The following AUTS2 variants were observed in gnomAD, a reference collection of about 807,000 sequenced individuals.
The protein encoded by AUTS2 is autism susceptibility gene 2 protein.
A neutral mutation model predicts 112.4 loss-of-function variants in AUTS2; 17 were observed. The ratio of observed to expected loss-of-function variants is 0.15; its 90% CI spans 0.10 to 0.23. The LOEUF is 0.23. Ranked by LOEUF, AUTS2 falls within the 10% of genes least tolerant of loss-of-function variation. The pLI is 1.00. For missense variants in AUTS2, 1,510 were observed against 1,701.6 expected (o/e 0.89, Z 1.98); for synonymous variants, 751 against 702.7 (o/e 1.07, Z -1.09).
At chr7:69,847,900 C>A (rs781053316) in intron 1 of AUTS2, among the ~76,000 whole-genome samples, 6 of 152,196 alleles carry the variant, frequency 3.9e-5, no homozygotes, top group Non-Finnish European at 8.8e-5. Context: ...ACTAGGCGAT[C>A]CTCCTTTTAT....
At chr7:70,697,913 C>T (rs1387770917) in intron 5 of AUTS2, among the ~76,000 whole-genome samples, 1 of 152,140 alleles carries the variant, frequency 6.6e-6, no homozygotes, top group Non-Finnish European at 1.5e-5. Flanking sequence ...GCTTATTTCA[C>T]CTTCCTCAAG....
At chr7:70,388,842 T>C (rs999917868) in intron 4 of AUTS2, among the ~76,000 whole-genome samples, 2 of 152,200 alleles carry the variant, frequency 1.3e-5, no homozygotes, top group Non-Finnish European at 2.9e-5. Context: ...AACTATCATG[T>C]CAAAGAAAAT....
intron 2 of AUTS2, among the ~76,000 whole-genome samples, chr7:70,015,413 T>C (rs1392941535): frequency 6.6e-6 from 1 of 152,212 alleles, no homozygotes; most frequent in Non-Finnish European, 1.5e-5. Context: ...TTGCACAAAA[T>C]CTGGCAGCCA....
chr7:70,259,201 G>T (rs548699694), intron 4 of AUTS2, among the ~76,000 whole-genome samples: 1 of 152,006 alleles, frequency 6.6e-6, no homozygotes, highest in Non-Finnish European at 1.5e-5. Context: ...CTGTCACAGA[G>T]CCTTCCTTCT....
chr7:70,193,990 T>G (rs1483712073), intron 4 of AUTS2, among the ~76,000 whole-genome samples: 3 of 152,238 alleles, frequency 2.0e-5, no homozygotes, highest in Non-Finnish European at 4.4e-5. Context: ...TTCAAAGCAC[T>G]TTCTTCTCTT....
chr7:70,603,643 T>G (rs950917156), intron 5 of AUTS2, among the ~76,000 whole-genome samples: 1 of 152,104 alleles, frequency 6.6e-6, no homozygotes, highest in Non-Finnish European at 1.5e-5. Flanking sequence ...TATCTTCCAG[T>G]AACAAACCAT....
At chr7:70,297,609 T>C (rs1308335700) in intron 4 of AUTS2, among the ~76,000 whole-genome samples, 6 of 151,378 alleles carry the variant, frequency 4.0e-5, no homozygotes, top group Non-Finnish European at 8.8e-5. Context: ...TTTTTTTTTA[T>C]ATTTGTAGTA....
intron 2 of AUTS2, among the ~76,000 whole-genome samples, chr7:69,988,016 A>G (rs1313228824): frequency 6.6e-6 from 1 of 152,196 alleles, no homozygotes; most frequent in Non-Finnish European, 1.5e-5. Context: ...TAATGAGTGT[A>G]ACTTTGATCA....
At chr7:70,375,343 T>C (rs1793037160) in intron 4 of AUTS2, among the ~76,000 whole-genome samples, 1 of 152,212 alleles carries the variant, frequency 6.6e-6, no homozygotes, top group Non-Finnish European at 1.5e-5. Flanking sequence ...CCAAGAAATT[T>C]CAACTTTGCC....
chr7:70,206,465 T>A (rs1810580084), intron 4 of AUTS2, among the ~76,000 whole-genome samples: 1 of 152,144 alleles, frequency 6.6e-6, no homozygotes, highest in African/African-American at 2.4e-5. Flanking sequence ...ACAAATGAAA[T>A]TCTAATGAGA....
intron 1 of AUTS2, among the ~76,000 whole-genome samples, chr7:69,775,506 C>T (rs2129304966): frequency 1.3e-5 from 2 of 152,194 alleles, no homozygotes; most frequent in Admixed American, 1.3e-4. Context: ...CAATCCAGGC[C>T]TGGGGTTGAG....
intron 1 of AUTS2, among the ~76,000 whole-genome samples, chr7:69,715,531 T>C (rs1253933604): frequency 6.6e-6 from 1 of 152,166 alleles, no homozygotes; most frequent in Non-Finnish European, 1.5e-5. Context: ...GAGGATCATA[T>C]GCTCAGTGAG....
chr7:70,785,924 AC>A lies in AUTS2; in HGVS notation c.2225-29del, dbSNP rs766356557. 171 of 1,608,782 alleles carry A rather than the reference AC, an allele frequency of 1.1e-4. 1 individual carries two copies. The South Asian group carries it at 1.8e-3, about 17-fold the overall frequency. On this transcript the variant is annotated intron_variant, in intron 16 of 18. Coordinates refer to ENST00000342771, the MANE Select transcript of AUTS2 (RefSeq NM_015570.4). ...GGTTCCTCTCCCAGCAGAGCCCCTG[AC>A]CATTTCCTTCTTCCCCATCTTGTTT... is the stretch of plus-strand genomic sequence containing the variant.
chr7:69,678,120 A>G (rs533845286), intron 1 of AUTS2, among the ~76,000 whole-genome samples: 36 of 152,236 alleles, frequency 2.4e-4, no homozygotes, highest in Non-Finnish European at 4.1e-4. Flanking sequence ...AGGCTGACCT[A>G]TGAAATCTGG....
chr7:69,789,868 G>A (rs1789539509), intron 1 of AUTS2, among the ~76,000 whole-genome samples: 1 of 152,054 alleles, frequency 6.6e-6, no homozygotes, highest in South Asian at 2.1e-4. Flanking sequence ...TGTTAGATTT[G>A]GTTTCTGAAC....
At chr7:70,012,266 T>G (rs1185206221) in intron 2 of AUTS2, among the ~76,000 whole-genome samples, 3 of 152,092 alleles carry the variant, frequency 2.0e-5, no homozygotes, top group Non-Finnish European at 4.4e-5. Flanking sequence ...GGTCTCCACA[T>G]TGTTCTCTCT....
chr7:70,228,560 T>C (rs1811889578), intron 4 of AUTS2, among the ~76,000 whole-genome samples: 1 of 151,930 alleles, frequency 6.6e-6, no homozygotes, highest in Admixed American at 6.6e-5. Context: ...TAGTTCATTT[T>C]TGCTCTATGA....
intron 4 of AUTS2, among the ~76,000 whole-genome samples, chr7:70,364,286 G>A (rs895794969): frequency 3.4e-4 from 51 of 152,110 alleles, no homozygotes; most frequent in Non-Finnish European, 4.6e-4. Context: ...AAATTAGGCC[G>A]GGCGCAGTGG....
At chr7:69,691,201 G>GT (rs1302434401) in intron 1 of AUTS2, among the ~76,000 whole-genome samples, 3 of 152,250 alleles carry the variant, frequency 2.0e-5, no homozygotes, top group East Asian at 1.9e-4. Flanking sequence ...AGAAAGCACC[G>GT]TAAGTTCTTA....
Sources: gnomAD v4.1 joint callset for allele counts (sites outside exome capture counted in the v4.1 genomes callset) on GRCh38, gnomAD v4.1.1 for gene constraint, MANE v1.5 for transcripts, NCBI Gene and HGNC (gene_info 2026-07-23, HGNC 2026-07-21) for gene names.